The following SERPINA3 variants were observed in gnomAD, a reference collection of about 807,000 sequenced individuals.
The protein encoded by SERPINA3 is serpin family A member 3.
SERPINA3 carries 32 observed loss-of-function variants against 26.8 expected under a neutral mutation model. The observed-to-expected ratio is 1.20, with a 90% CI of 0.90 to 1.61. The LOEUF is 1.61. Ranked by LOEUF, SERPINA3 falls within the 40% of genes most tolerant of loss-of-function variation. The pLI is 0.00. For missense variants in SERPINA3, 632 were observed against 517.9 expected (o/e 1.22, Z -2.14); for synonymous variants, 252 against 206.4 (o/e 1.22, Z -1.89).
chr14:94,613,777 G>A (rs567254071), intron 1 of SERPINA3: 2 of 152,432 alleles, frequency 1.3e-5, no homozygotes, highest in Non-Finnish European at 2.9e-5. Context: ...CCTTTCTTTG[G>A]TCTTGCTGCC....
At chr14:94,613,602 T>A (rs1885866986) in intron 1 of SERPINA3, 2 of 152,232 alleles carry the variant, frequency 1.3e-5, no homozygotes, top group East Asian at 1.9e-4. Context: ...TACAGTCACC[T>A]GCTTGCCAGT....
chr14:94,623,697 A>G lies in SERPINA3; in HGVS notation c.1155A>G (p.Ala385=). ...CAGTCAAAATCACCCTCCTTTCTGC[A>G]TTAGTGGAGACAAGGACCATTGTGC... ...ATAVKITLLS[A]LVETRTIVRF... The change falls in exon 5 of 5, where the codon GCA becomes GCG. Residue 385 remains alanine, a synonymous_variant. Coordinates refer to ENST00000393078, the MANE Select transcript of SERPINA3 (RefSeq NM_001085.5). 2 of 1,614,144 alleles carry G rather than the reference A, an allele frequency of 1.2e-6. No homozygotes were observed. The highest frequency in any genetic ancestry group is 1.6e-4 in the Middle Eastern group (1 of 6,062).
Position 94,619,360 on chromosome 14 carries a change from G to C in SERPINA3, c.809G>C (p.Gly270Ala). The change falls in exon 3 of 5, where the codon GGC (glycine) becomes GCC (alanine). Residue 270 changes from glycine (G) to alanine (A), a missense_variant. Transcript: ENST00000393078. ...SCTVVELKYT[G>A]NASALFILPD... ...ACCGTGGTGGAGCTGAAGTACACAG[G>C]CAATGCCAGCGCACTCTTCATCCTC... The C allele has an allele frequency of 1.2e-6, 2 of 1,614,166 alleles. No homozygotes were observed. Among genetic ancestry groups the C allele is most frequent in the Non-Finnish European group, 1.7e-6 (2 of 1,180,040 alleles).
At chr14:94,621,909 C>T (rs1209437560) in intron 3 of SERPINA3, among the ~76,000 whole-genome samples, 1 of 152,222 alleles carries the variant, frequency 6.6e-6, no homozygotes, top group East Asian at 1.9e-4. Flanking sequence ...TAGCTCCTTT[C>T]CTGCCTTTGG....
intron 1 of SERPINA3, chr14:94,614,093 G>A (rs924684955): frequency 6.0e-5 from 19 of 314,940 alleles, no homozygotes; most frequent in African/African-American, 2.8e-4. Flanking sequence ...ACTGAACCTC[G>A]GACCCCCCAT....
intron 2 of SERPINA3, chr14:94,618,854 T>C (rs755136068): frequency 7.0e-5 from 31 of 444,340 alleles, no homozygotes; most frequent in Admixed American, 2.1e-4. Flanking sequence ...ACAAAGGCTG[T>C]CCCATTTCTC....
At position 94,614,769 on chromosome 14, in the gene SERPINA3, A is replaced by G. The variant is rs1210384521; in HGVS notation, c.328A>G (p.Thr110Ala). 1.2e-6 allele frequency: 2 copies of G among 1,614,090 alleles called. No homozygotes were observed. The highest frequency in any genetic ancestry group is 1.7e-6 in the Non-Finnish European group (2 of 1,180,014). The change falls in exon 2 of 5, where the codon ACT becomes GCT. Residue 110 changes from threonine (T) to alanine (A), a missense_variant. By Grantham distance (58) the Thr-to-Ala change is moderately conservative (BLOSUM62 0). Transcript: ENST00000393078. The part of the protein sequence containing the change: ...LKGLKFNLTE[T>A]SEAEIHQSFQ... ...AGGCCTCAAGTTCAACCTCACGGAG[A>G]CTTCTGAGGCAGAAATTCACCAGAG... is the stretch of plus-strand genomic sequence containing the variant.
At chr14:94,621,408 G>A (rs986247128) in intron 3 of SERPINA3, among the ~76,000 whole-genome samples, 1 of 151,974 alleles carries the variant, frequency 6.6e-6, no homozygotes, top group African/African-American at 2.4e-5. Flanking sequence ...TGGAATGAAC[G>A]GACAAACACA....
At position 94,615,079 on chromosome 14, in the gene SERPINA3, T is replaced by A. The variant is rs1885944382; in HGVS notation, c.638T>A (p.Phe213Tyr). 1.9e-6 allele frequency: 3 copies of A among 1,613,946 alleles called. No homozygotes were observed. Among genetic ancestry groups the A allele is most frequent in the Non-Finnish European group, 2.5e-6 (3 of 1,180,022 alleles). Residue 213 changes from phenylalanine to tyrosine, a missense_variant, in exon 2 of 5, where the codon TTT becomes TAT. By Grantham distance (22) the Phe-to-Tyr change is conservative (BLOSUM62 3). Coordinates refer to ENST00000393078, the MANE Select transcript of SERPINA3 (RefSeq NM_001085.5). The stretch of plus-strand genomic sequence containing the variant: ...ATGGTCCTGGTGAATTACATCTTCT[T>A]TAAAGGTGAGTGTGCCTGGCTTGGG... ...TMMVLVNYIF[F>Y]KAKWEMPFDP...
rs377717350 is a variant in SERPINA3, at chr14:94,615,317, G to A, written c.643+233G>A. ...ATTCAGTGGAGCCCATCAGCCTCTG[G>A]TCTGAGTCAGTGTGGTGCTTTTCAC... On this transcript the variant is annotated intron_variant, in intron 2 of 4. Coordinates refer to ENST00000393078, the MANE Select transcript of SERPINA3 (RefSeq NM_001085.5). Among the ~76,000 whole-genome samples, 27 of 152,350 alleles carry A rather than the reference G, an allele frequency of 1.8e-4. No homozygotes were observed. The South Asian group carries it at 5.4e-3, about 30-fold the overall frequency.
At chr14:94,621,823 C>G (rs1438222726) in intron 3 of SERPINA3, among the ~76,000 whole-genome samples, 1 of 152,212 alleles carries the variant, frequency 6.6e-6, no homozygotes, top group Non-Finnish European at 1.5e-5. Flanking sequence ...CACCCACCGC[C>G]CCGTGGAGCA....
In SERPINA3 at chr14:94,623,650, A is replaced by G; in HGVS notation, c.1108A>G (p.Thr370Ala). The change falls in exon 5 of 5, where the codon ACA becomes GCA. Residue 370 changes from threonine to alanine, a missense_variant. Transcript: ENST00000393078. Reference protein sequence around the residue: ...KAVLDVFEEGTEASAATAVKI... With the variant: ...KAVLDVFEEGAEASAATAVKI... ...TGTGCTTGATGTATTTGAGGAGGGC[A>G]CAGAAGCATCTGCTGCCACAGCAGT... The G allele has an allele frequency of 6.2e-7, 1 of 1,614,172 alleles. No homozygotes were observed.
chr14:94,615,786 T>C (rs550071056), intron 2 of SERPINA3, among the ~76,000 whole-genome samples: 2 of 152,294 alleles, frequency 1.3e-5, no homozygotes, highest in African/African-American at 2.4e-5. Flanking sequence ...CCCAATCCCA[T>C]TGATAGAAAC....
At chr14:94,622,731 A>G in intron 4 of SERPINA3, 3 of 574,732 alleles carry the variant, frequency 5.2e-6, no homozygotes, top group Non-Finnish European at 9.5e-6. Context: ...TCAGAGAGCC[A>G]TGGACACCAT....
Position 94,614,487 on chromosome 14 carries a change from G to A in SERPINA3, c.46G>A (p.Gly16Arg). The A allele has an allele frequency of 6.2e-7, 1 of 1,614,044 alleles. No homozygotes were observed. Residue 16 changes from glycine to arginine, a missense_variant, in exon 2 of 5, where the codon GGG becomes AGG. Coordinates refer to ENST00000393078, the MANE Select transcript of SERPINA3 (RefSeq NM_001085.5). ...CCTGGCTCTGGGGCTCTTGGCGGCT[G>A]GGTTCTGCCCTGCTGTCCTCTGCCA... ...PLLALGLLAA[G>R]FCPAVLCHPN...
In SERPINA3 at chr14:94,619,248, T is replaced by C; in HGVS notation, c.697T>C (p.Leu233=). 1 of 1,613,786 alleles carries C rather than the reference T, an allele frequency of 6.2e-7. No homozygotes were observed. Among genetic ancestry groups the C allele is most frequent in the Non-Finnish European group, 8.5e-7 (1 of 1,179,692 alleles). ...AGATACTCATCAGTCAAGGTTCTAC[T>C]TGAGCAAGAAAAAGTGGGTAATGGT... ...PQDTHQSRFY[L]SKKKWVMVPM... is the part of the protein sequence containing the mutation. Residue 233 remains leucine (L), a synonymous_variant, in exon 3 of 5, where the codon TTG becomes CTG. Transcript: ENST00000393078.
chr14:94,614,216 T>C, intron 1 of SERPINA3: 1 of 584,204 alleles, frequency 1.7e-6, no homozygotes, highest in Non-Finnish European at 3.1e-6. Context: ...GCTTTTCCAC[T>C]GCAAGAAAAT....
chr14:94,615,934 G>A (rs1885980566), intron 2 of SERPINA3, among the ~76,000 whole-genome samples: 1 of 152,196 alleles, frequency 6.6e-6, no homozygotes, highest in Non-Finnish European at 1.5e-5. Flanking sequence ...GAGCCAGAGG[G>A]TGGAAAGGTG....
intron 2 of SERPINA3, among the ~76,000 whole-genome samples, chr14:94,616,335 C>A (rs1276351869): frequency 6.6e-6 from 1 of 152,176 alleles, no homozygotes; most frequent in Non-Finnish European, 1.5e-5. Context: ...GGAGTGGAGA[C>A]CTGCAGGGCC....
Sources: gnomAD v4.1 joint callset for allele counts (sites outside exome capture counted in the v4.1 genomes callset) on GRCh38, gnomAD v4.1.1 for gene constraint, MANE v1.5 for transcripts, NCBI Gene and HGNC (gene_info 2026-07-23, HGNC 2026-07-21) for gene names.